Variants in TEK observed in about 807,000 individuals in gnomAD.
TEK encodes TEK receptor tyrosine kinase.
A neutral mutation model predicts 131.8 loss-of-function variants in TEK; 43 were observed. That is an observed-to-expected ratio of 0.33 (90% CI 0.26 to 0.42). The LOEUF (loss-of-function observed/expected upper bound fraction) is 0.42, where lower values mean the gene tolerates loss of function less well. Ranked by LOEUF, TEK falls within the 10% of genes least tolerant of loss-of-function variation. The pLI is 1.00. For missense variants in TEK, 1,162 were observed against 1,384.4 expected, an observed-to-expected ratio of 0.84 and a Z score of 2.55; for synonymous variants, 580 against 491.6, an observed-to-expected ratio of 1.18 and a Z score of -2.38.
intron 2 of TEK, among the ~76,000 whole-genome samples, chr9:27,159,756 C>T (rs1169776220): frequency 1.3e-5 from 2 of 152,134 alleles, no homozygotes; most frequent in African/African-American, 4.8e-5. Flanking sequence ...TATAAGGTTC[C>T]AGTCCTGGAC....
intron 1 of TEK, among the ~76,000 whole-genome samples, chr9:27,145,048 T>A (rs1289049448): frequency 1.3e-5 from 2 of 152,130 alleles, no homozygotes; most frequent in African/African-American, 2.4e-5. Flanking sequence ...TAGAGACACA[T>A]ATGTGGGCTC....
chr9:27,204,517 C>G (rs1365797687), intron 13 of TEK, among the ~76,000 whole-genome samples: 1 of 152,086 alleles, frequency 6.6e-6, no homozygotes, highest in Non-Finnish European at 1.5e-5. Context: ...TAAAGCATTT[C>G]TAGGTGGGGA....
chr9:27,202,431 T>C (rs962739857), intron 12 of TEK, among the ~76,000 whole-genome samples: 2 of 152,178 alleles, frequency 1.3e-5, no homozygotes, highest in African/African-American at 2.4e-5. Flanking sequence ...TACAGAAAGA[T>C]TGCTATGAAG....
intron 1 of TEK, among the ~76,000 whole-genome samples, chr9:27,121,232 C>A (rs911666855): frequency 6.6e-6 from 1 of 152,092 alleles, no homozygotes; most frequent in Admixed American, 6.5e-5. Flanking sequence ...GAGGCTGAGG[C>A]AGAAGAATCA....
intron 2 of TEK, 111 bp downstream of exon 2, chr9:27,158,253 C>G: frequency 8.1e-7 from 1 of 1,233,142 alleles, no homozygotes; most frequent in Non-Finnish European, 1.2e-6. Context: ...GAATGTAGAG[C>G]TTGACGATCT....
At position 27,219,727 on chromosome 9, in the gene TEK, G is replaced by GA. The variant is rs532105562; in HGVS notation, c.3104-315dup. On this transcript the variant is annotated intron_variant, in intron 20 of 22. Transcript: ENST00000380036. ...TTATAAAACTATGGACTTCCAATCA[G>GA]AAAAAAAGGTTAATCTTATTGGTAT... Among the ~76,000 whole-genome samples the GA allele has an allele frequency of 4.9e-3, 708 of 145,516 alleles. 2 individuals are homozygous for GA. Among genetic ancestry groups the GA allele is most frequent in the African/African-American group, 0.016 (657 of 39,854 alleles).
intron 6 of TEK, among the ~76,000 whole-genome samples, chr9:27,174,868 T>G (rs1824103024): frequency 6.6e-6 from 1 of 152,072 alleles, no homozygotes; most frequent in Non-Finnish European, 1.5e-5. Flanking sequence ...CTATGAACAC[T>G]TTGCTAGGAC....
intron 1 of TEK, among the ~76,000 whole-genome samples, chr9:27,122,310 A>G (rs1216385353): frequency 6.6e-6 from 1 of 152,174 alleles, no homozygotes; most frequent in Non-Finnish European, 1.5e-5. Flanking sequence ...TCTGAGAGAA[A>G]ACAGGGATCT....
intron 6 of TEK, among the ~76,000 whole-genome samples, chr9:27,174,560 G>A (rs1824092716): frequency 6.6e-6 from 1 of 152,088 alleles, no homozygotes; most frequent in African/African-American, 2.4e-5. Flanking sequence ...TTTCAGTTTG[G>A]ACTAGCTATA....
At chr9:27,158,675 T>TGGG (rs1402720782) in intron 2 of TEK, among the ~76,000 whole-genome samples, 21 of 139,612 alleles carry the variant, frequency 1.5e-4, no homozygotes, top group South Asian at 7.5e-4. Flanking sequence ...TTTTTTTTTT[T>TGGG]GGGGGGGTGG....
chr9:27,129,593 T>A (rs868493448), intron 1 of TEK, among the ~76,000 whole-genome samples: 21 of 152,146 alleles, frequency 1.4e-4, no homozygotes, highest in African/African-American at 3.6e-4. Flanking sequence ...TGGCTTTCAG[T>A]TTTTACTCCA....
At chr9:27,218,130 T>TTA (rs9298888) in intron 19 of TEK, among the ~76,000 whole-genome samples, 1 of 139,514 alleles carries the variant, frequency 7.2e-6, no homozygotes. Flanking sequence ...GGCCAGACAG[T>TTA]GGCGGGGGTC....
intron 10 of TEK, among the ~76,000 whole-genome samples, chr9:27,191,451 GAC>G (rs1198830526): frequency 6.6e-6 from 1 of 152,004 alleles, no homozygotes; most frequent in Admixed American, 6.5e-5. Flanking sequence ...GCTTCAATTG[GAC>G]TATTCTGTAA....
chr9:27,221,710 T>TAGTATCAACATC (rs1471082907), intron 21 of TEK, among the ~76,000 whole-genome samples: 2 of 152,074 alleles, frequency 1.3e-5, no homozygotes, highest in Non-Finnish European at 2.9e-5. Flanking sequence ...CAGAAAGGAA[T>TAGTATCAACATC]AGTATCAACA....
chr9:27,141,742 G>A (rs1285351111), intron 1 of TEK, among the ~76,000 whole-genome samples: 1 of 152,134 alleles, frequency 6.6e-6, no homozygotes, highest in Non-Finnish European at 1.5e-5. Context: ...TTTTAAATCT[G>A]AGGTCCGGAC....
intron 1 of TEK, among the ~76,000 whole-genome samples, chr9:27,153,538 A>G (rs599312): frequency 0.26 from 39,123 of 152,238 alleles, 5,328 homozygotes; most frequent in South Asian, 0.52. Flanking sequence ...TTAAATATGC[A>G]TCTTGTTTCA....
At chr9:27,205,310 G>A (rs1288969177) in intron 14 of TEK, among the ~76,000 whole-genome samples, 1 of 152,158 alleles carries the variant, frequency 6.6e-6, no homozygotes, top group Non-Finnish European at 1.5e-5. Flanking sequence ...AGGAAACTAG[G>A]TCTGCCCCTG....
chr9:27,225,477 C>T (rs977020752), intron 21 of TEK, among the ~76,000 whole-genome samples: 6 of 152,136 alleles, frequency 3.9e-5, no homozygotes, highest in Non-Finnish European at 7.4e-5. Context: ...CTGACAAAAA[C>T]AAGCAATGGG....
chr9:27,224,705 G>A (rs1369857797), intron 21 of TEK, among the ~76,000 whole-genome samples: 1 of 152,174 alleles, frequency 6.6e-6, no homozygotes, highest in Non-Finnish European at 1.5e-5. Context: ...ATAAGACAAG[G>A]ATGCCCTCTC....
Sources: allele counts gnomAD v4.1 joint callset (sites outside exome capture counted in the v4.1 genomes callset), GRCh38; gene constraint gnomAD v4.1.1; transcripts MANE v1.5; gene names NCBI Gene and HGNC (gene_info 2026-07-23, HGNC 2026-07-21).